MXRA8: variants seen among roughly 807,000 people sequenced by gnomAD.
MXRA8 encodes matrix remodeling-associated protein 8.
Under a neutral mutation model 51.4 loss-of-function variants are expected in MXRA8, and 44 were observed. The observed-to-expected ratio is 0.86, with a 90% CI of 0.67 to 1.10. The LOEUF is 1.10. MXRA8 is among the 50% of genes least tolerant of loss of function. The pLI is 0.00. For synonymous variants in MXRA8, 369 were observed against 293.5 expected (o/e 1.26, Z -2.63); for missense variants, 765 against 638.9 (o/e 1.20, Z -2.13).
At chr1:1,354,634 G>C in intron 5 of MXRA8, 48 bp downstream of exon 5, 1 of 1,539,056 alleles carries the variant, frequency 6.5e-7, no homozygotes, top group Non-Finnish European at 8.7e-7. Flanking sequence ...AGCAACCCCC[G>C]GTGGGGTGGG....
At chr1:1,360,857 CACAT>C (rs1349043793), upstream of MXRA8, among the ~76,000 whole-genome samples, 3 of 152,058 alleles carry the variant, frequency 2.0e-5, no homozygotes, top group Non-Finnish European at 4.4e-5. Flanking sequence ...TGTGCACAGA[CACAT>C]GCACACACAC....
chr1:1,355,308 G>A lies in MXRA8; in HGVS notation c.414C>T (p.Asn138=), dbSNP rs772454856. The change falls in exon 4 of 10, where the codon AAC becomes AAT. Residue 138 remains asparagine (N), a synonymous_variant. Coordinates refer to ENST00000309212, the MANE Select transcript of MXRA8 (RefSeq NM_032348.4). The stretch of plus-strand genomic sequence containing the variant: ...AGAGGTGGCAGTAGTGATGGTGCAG[G>A]TTGCAGGTGTACAGCCCCGCGTCCG... ...EETDAGLYTC[N]LHHHYCHLYE... 3.8e-6 allele frequency: 6 copies of A among 1,580,592 alleles called. No homozygotes were observed. In the East Asian group the frequency reaches 7.3e-5, roughly 19 times the overall value.
upstream of MXRA8, chr1:1,361,173 C>T: frequency 2.8e-6 from 2 of 702,802 alleles, no homozygotes; most frequent in South Asian, 3.0e-5. Context: ...AACACACAGA[C>T]ACAGGTCCAC....
chr1:1,361,273 AAG>A, upstream of MXRA8: 1 of 703,532 alleles, frequency 1.4e-6, no homozygotes, highest in East Asian at 2.7e-5. Flanking sequence ...TCGATGGCTG[AAG>A]AGTCCCACTT....
upstream of MXRA8, chr1:1,361,712 G>A (rs763144703): frequency 1.6e-5 from 3 of 189,140 alleles, no homozygotes; most frequent in African/African-American, 4.6e-5. Context: ...TTTTCCCTGC[G>A]TGGGGCTGGG....
At chr1:1,353,792 G>A in intron 9 of MXRA8, 56 bp downstream of exon 9, 1 of 1,514,420 alleles carries the variant, frequency 6.6e-7, no homozygotes, top group Non-Finnish European at 8.9e-7. Context: ...CCCAGGTGAG[G>A]TGGAATGGGG....
chr1:1,358,804 A>G (rs527885005), upstream of MXRA8: 70 of 1,159,312 alleles, frequency 6.0e-5, no homozygotes, highest in African/African-American at 1.0e-3. Flanking sequence ...TGGGCCCCTG[A>G]TACCACGTGA....
In MXRA8 at chr1:1,353,029, G is replaced by C. The variant is rs1172336676; in HGVS notation, c.*575C>G. On this transcript the variant is annotated 3_prime_UTR_variant, in exon 10 of 10. Transcript: ENST00000309212. ...GCAAGGGCTGGCATTCAAGTCAGCA[G>C]GTCCCTGGGGAGAACAGATGGTGCC... 5.3e-6 allele frequency: 3 copies of C among 564,242 alleles called. No individual in the cohort carries two copies. Among genetic ancestry groups the C allele is most frequent in the South Asian group, 2.2e-5 (1 of 44,628 alleles). 35.0% of individuals were successfully genotyped at this position (564,242 alleles called of 1,614,324 possible).
chr1:1,354,653 T>C (rs1644080741), intron 5 of MXRA8, 29 bp downstream of exon 5: 10 of 1,542,544 alleles, frequency 6.5e-6, no homozygotes, highest in Non-Finnish European at 8.7e-6. Flanking sequence ...GGCTCCCGCC[T>C]TCCCGGGTCC....
Position 1,354,920 on chromosome 1 carries a change from A to G in MXRA8, c.711T>C (p.Leu237=). 6.2e-7 allele frequency: 1 copy of G among 1,608,418 alleles called. No homozygotes were observed. The highest frequency in any genetic ancestry group is 8.5e-7 in the Non-Finnish European group (1 of 1,178,084). ...ASGERRAYGP[L]FLRDRVAVGA... ...CCACAGCCACGCGGTCGCGCAGAAA[A>G]AGGGGCCCGTAGGCGCGGCGCTCGC... The change falls in exon 5 of 10, where the codon CTT becomes CTC. Residue 237 remains leucine, a synonymous_variant. Coordinates refer to ENST00000309212, the MANE Select transcript of MXRA8 (RefSeq NM_032348.4).
chr1:1,359,191 C>G, upstream of MXRA8: 1 of 985,394 alleles, frequency 1.0e-6, no homozygotes, highest in African/African-American at 1.7e-5. Flanking sequence ...CACTGGGAGG[C>G]CTGGGGGTGC....
In MXRA8 at chr1:1,354,713, G is replaced by A. The variant is rs1431308661; in HGVS notation, c.918C>T (p.Asn306=). 1 of 1,598,322 alleles carries A rather than the reference G, an allele frequency of 6.3e-7. No homozygotes were observed. The highest frequency in any genetic ancestry group is 1.7e-5 in the Admixed American group (1 of 58,358). ...AEPPPRGSPG[N]GSSHSGAPGP... ...CTGGGGCGCCGCTGTGGCTGGAGCC[G>A]TTGCCCGGAGAGCCCCGGGGGGGCG... Residue 306 remains asparagine, a synonymous_variant, in exon 5 of 10, where the codon AAC becomes AAT. Coordinates refer to ENST00000309212, the MANE Select transcript of MXRA8 (RefSeq NM_032348.4).
Position 1,354,686 on chromosome 1 carries a change from G to A in MXRA8, c.945C>T (p.Gly315=), listed in dbSNP as rs533557025. 1.3e-6 allele frequency: 2 copies of A among 1,576,424 alleles called. No homozygotes were observed. Among genetic ancestry groups the A allele is most frequent in the Admixed American group, 1.8e-5 (1 of 55,100 alleles). ...GNGSSHSGAP[G]PDPTLARGHN... ...TCCCAGGGAGGCCTCCTTCACCTGG[G>A]CCTGGGGCGCCGCTGTGGCTGGAGC... The change falls in exon 5 of 10, where the codon GGC becomes GGT. Residue 315 remains glycine (G), a synonymous_variant. Coordinates refer to ENST00000309212, the MANE Select transcript of MXRA8 (RefSeq NM_032348.4).
Position 1,355,141 on chromosome 1 carries a change from G to T in MXRA8, c.490C>A (p.Pro164Thr). ...LEVTDGPPAT[P>T]AYWDGEKEVL... Reference sequence around the variant, plus strand: ...TCCTTCTCGCCGTCCCAGTAGGCGGGGGTGGCCGGGGCTGCGGAGGGGGCG... The same window carrying T: ...TCCTTCTCGCCGTCCCAGTAGGCGGTGGTGGCCGGGGCTGCGGAGGGGGCG... Residue 164 changes from proline (P) to threonine (T), a missense_variant, in exon 5 of 10, where the codon CCC becomes ACC. Transcript: ENST00000309212. 7.0e-7 allele frequency: 1 copy of T among 1,432,322 alleles called. No individual in the cohort carries two copies. The allele number at this position is 1,432,322 out of a possible 1,614,324, so 88.7% of individuals were successfully genotyped here. A position where few individuals can be genotyped will look rare whatever the true frequency, so the allele number is the denominator to read the frequency against.
At chr1:1,357,696 G>T (rs1644159920) in intron 1 of MXRA8, among the ~76,000 whole-genome samples, 1 of 152,184 alleles carries the variant, frequency 6.6e-6, no homozygotes, top group Non-Finnish European at 1.5e-5. Context: ...TATAGTCCCA[G>T]CTACTTGGGA....
Position 1,354,751 on chromosome 1 carries a change from G to T in MXRA8, c.880C>A (p.Pro294Thr). ...CCCCGGGGGGGCGGCTCCGCGTGGG[G>T]TTCGGCGACCGTCAGGTGGAAGACG... is the stretch of plus-strand genomic sequence containing the variant. ...RRVFHLTVAE[P>T]HAEPPPRGSP... The change falls in exon 5 of 10, where the codon CCC becomes ACC. Residue 294 changes from proline (P) to threonine (T), a missense_variant. Coordinates refer to ENST00000309212, the MANE Select transcript of MXRA8 (RefSeq NM_032348.4). 7 of 1,610,986 alleles carry T rather than the reference G, an allele frequency of 4.3e-6. No individual in the cohort carries two copies. Among genetic ancestry groups the T allele is most frequent in the Non-Finnish European group, 5.9e-6 (7 of 1,179,210 alleles).
rs750863942 is a variant in MXRA8 at position 1,354,330 on chromosome 1, C to T, written c.1105+24G>A. On this transcript the variant is annotated intron_variant, in intron 6 of 9. Transcript: ENST00000309212. Reference sequence around the variant, plus strand: ...CGCCCACCTCAGTCTCCTGGGGCCGCTGGCTTTGCCGGGGCAGCCTCACCT... The same window carrying T: ...CGCCCACCTCAGTCTCCTGGGGCCGTTGGCTTTGCCGGGGCAGCCTCACCT... 3.7e-6 allele frequency: 6 copies of T among 1,604,048 alleles called. No homozygotes were observed. The South Asian group carries it at 5.5e-5, about 15-fold the overall frequency.
At chr1:1,358,639 G>A (rs1209535896), upstream of MXRA8, 11 of 1,414,124 alleles carry the variant, frequency 7.8e-6, no homozygotes, top group East Asian at 8.4e-5. Context: ...TCTGGGGACC[G>A]CCCCCTCTGG....
In MXRA8 at chr1:1,354,215, G is replaced by C. The variant is rs1276683522; in HGVS notation, c.1123C>G (p.Gln375Glu). The C allele has an allele frequency of 6.2e-7, 1 of 1,612,510 alleles. No individual in the cohort carries two copies. Among genetic ancestry groups the C allele is most frequent in the East Asian group, 2.2e-5 (1 of 44,900 alleles). The change falls in exon 7 of 10, where the codon CAG (glutamine) becomes GAG (glutamate). Residue 375 changes from glutamine to glutamate, a missense_variant. Transcript: ENST00000309212. ...CACCCCTTTGACTTTCCCGACTTCTGGTCCGAGTATTCGTAGCCTGGGAAG... is the reference window on the plus strand; with the variant it reads ...CACCCCTTTGACTTTCCCGACTTCTCGTCCGAGTATTCGTAGCCTGGGAAG... ...RRRGGYEYSDQKSGKSKGKDV... is the reference protein window; with the variant it reads ...RRRGGYEYSDEKSGKSKGKDV...
Sources: gnomAD v4.1 joint callset for allele counts (sites outside exome capture counted in the v4.1 genomes callset) on GRCh38, gnomAD v4.1.1 for gene constraint, MANE v1.5 for transcripts, NCBI Gene and HGNC (gene_info 2026-07-23, HGNC 2026-07-21) for gene names.